The following MRTFB variants were observed in gnomAD, a reference collection of about 807,000 sequenced individuals.
MRTFB encodes the protein myocardin related transcription factor B.
A neutral mutation model predicts 104.2 loss-of-function variants in MRTFB; 29 were observed. That is an observed-to-expected ratio of 0.28 (90% CI 0.21 to 0.38). The LOEUF (loss-of-function observed/expected upper bound fraction) is 0.38, where lower values mean the gene tolerates loss of function less well. Among genes scored for constraint, MRTFB ranks in the 10% least tolerant of loss-of-function variants. The probability of loss-of-function intolerance (pLI) is 1.00; values close to 1 mark genes in which losing one functional copy is unlikely to be tolerated. For synonymous variants in MRTFB, 535 were observed against 519.5 expected (o/e 1.03, Z -0.41); for missense variants, 1,270 against 1,341.6 (o/e 0.95, Z 0.83).
chr16:14,085,657 C>T (rs1022420961), intron 2 of MRTFB, among the ~76,000 whole-genome samples: 2 of 151,648 alleles, frequency 1.3e-5, no homozygotes, highest in Non-Finnish European at 2.9e-5. Flanking sequence ...ACCTGGCATG[C>T]ACATGGCAAA....
In MRTFB at chr16:14,265,822, G is replaced by A. The variant is rs1319149089; in HGVS notation, c.*4378G>A. The A allele has an allele frequency of 6.6e-6, 1 of 152,156 alleles. No homozygotes were observed. Among genetic ancestry groups the A allele is most frequent in the Admixed American group, 6.5e-5 (1 of 15,278 alleles). The allele number at this position is 152,156 out of a possible 1,614,324, so 9.4% of individuals were successfully genotyped here. A position where few individuals can be genotyped will look rare whatever the true frequency, so the allele number is the denominator to read the frequency against. The stretch of plus-strand genomic sequence containing the variant: ...AAGATGGCAATCTCGGATCTACAAG[G>A]TGCTGTCGGGAATCAAATAAAATAT... On this transcript the variant is annotated 3_prime_UTR_variant, in exon 17 of 17. Coordinates refer to ENST00000571589, the MANE Select transcript of MRTFB (RefSeq NM_001308142.2).
chr16:14,132,753 C>A (rs924798988), intron 2 of MRTFB, among the ~76,000 whole-genome samples: 24 of 152,124 alleles, frequency 1.6e-4, no homozygotes, highest in African/African-American at 5.3e-4. Flanking sequence ...CTTAGCCATC[C>A]GCCTCTTGAC....
the MRTFB span, among the ~76,000 whole-genome samples, chr16:14,021,795 C>T: frequency 3.9e-5 from 6 of 152,092 alleles, no homozygotes; most frequent in Non-Finnish European, 7.3e-5. Context: ...TCGTATATAC[C>T]ACAGTTTCTT....
At chr16:14,240,939 G>C in intron 10 of MRTFB, 1 of 606,650 alleles carries the variant, frequency 1.6e-6, no homozygotes, top group Non-Finnish European at 2.9e-6. Flanking sequence ...ACAGGGGAAT[G>C]CTGTGAGCAC....
intron 3 of MRTFB, chr16:14,151,791 A>G (rs2038627248): frequency 6.6e-6 from 1 of 152,168 alleles, no homozygotes; most frequent in Non-Finnish European, 1.5e-5. Context: ...GTCAGTGTCT[A>G]CAAAAAAGGA....
intron 3 of MRTFB, among the ~76,000 whole-genome samples, chr16:14,197,031 G>A (rs1434417171): frequency 5.2e-5 from 7 of 134,420 alleles, no homozygotes; most frequent in Middle Eastern, 4.5e-3. Flanking sequence ...GTGCAGTGTC[G>A]TGATTGCGGC....
chr16:14,065,282 T>C, the MRTFB span, among the ~76,000 whole-genome samples: 80 of 152,208 alleles, frequency 5.3e-4, 1 homozygote, highest in Non-Finnish European at 2.2e-4. Context: ...TGTATGGAAA[T>C]GCTACTGATT....
chr16:14,065,847 C>T, the MRTFB span, among the ~76,000 whole-genome samples: 4 of 151,862 alleles, frequency 2.6e-5, no homozygotes, highest in African/African-American at 7.3e-5. Context: ...CTCTAGAATG[C>T]TCTCCCCTCT....
chr16:14,083,022 ATTTC>A (rs1265025902), intron 2 of MRTFB, among the ~76,000 whole-genome samples: 25 of 152,070 alleles, frequency 1.6e-4, no homozygotes, highest in Admixed American at 1.6e-3. Context: ...TGTGTCTTCA[ATTTC>A]TTTCACTGAT....
At chr16:14,134,352 A>G (rs1299671350) in intron 2 of MRTFB, among the ~76,000 whole-genome samples, 1 of 152,268 alleles carries the variant, frequency 6.6e-6, no homozygotes, top group Non-Finnish European at 1.5e-5. Context: ...TATTTATTTG[A>G]AAGAATTATA....
intron 3 of MRTFB, among the ~76,000 whole-genome samples, chr16:14,205,150 C>G (rs896876425): frequency 6.6e-6 from 1 of 152,140 alleles, no homozygotes; most frequent in African/African-American, 2.4e-5. Context: ...CTAGTTGTGT[C>G]TCTCTGGATG....
intron 2 of MRTFB, among the ~76,000 whole-genome samples, chr16:14,134,598 T>C (rs752707694): frequency 1.3e-5 from 2 of 152,244 alleles, no homozygotes; most frequent in Non-Finnish European, 2.9e-5. Flanking sequence ...TGGTTCATCA[T>C]TGGAAGCCCA....
At chr16:14,135,511 A>C (rs2037666333) in intron 2 of MRTFB, among the ~76,000 whole-genome samples, 1 of 152,194 alleles carries the variant, frequency 6.6e-6, no homozygotes, top group Non-Finnish European at 1.5e-5. Flanking sequence ...AGTGTAGTAG[A>C]CTGTACCATC....
At chr16:14,119,429 C>T (rs2097267) in intron 2 of MRTFB, among the ~76,000 whole-genome samples, 35,164 of 152,066 alleles carry the variant, frequency 0.23, 7,693 homozygotes, top group African/African-American at 0.57. Context: ...ATTTAAAATA[C>T]ATAAGGAGGC....
At position 14,264,634 on chromosome 16, in the gene MRTFB, T is replaced by G. The variant is rs1597409008; in HGVS notation, c.*3190T>G. 1 of 152,270 alleles carries G rather than the reference T, an allele frequency of 6.6e-6. No homozygotes were observed. Among genetic ancestry groups the G allele is most frequent in the Non-Finnish European group, 1.5e-5 (1 of 68,050 alleles). 9.4% of individuals were successfully genotyped at this position (152,270 alleles called of 1,614,324 possible). Reference sequence around the variant, plus strand: ...AAGAGATCTTATTTAAATTTCCTTTTTAAAAGCCGCATGGTTCTGTGATCC... The same window carrying G: ...AAGAGATCTTATTTAAATTTCCTTTGTAAAAGCCGCATGGTTCTGTGATCC... On this transcript the variant is annotated 3_prime_UTR_variant, in exon 17 of 17. Transcript: ENST00000571589.
the MRTFB span, among the ~76,000 whole-genome samples, chr16:14,059,714 A>G: frequency 6.6e-6 from 1 of 152,174 alleles, no homozygotes; most frequent in African/African-American, 2.4e-5. Context: ...GGACAGAAAG[A>G]CAGGCGTGAG....
intron 2 of MRTFB, among the ~76,000 whole-genome samples, chr16:14,083,484 G>C (rs1343875448): frequency 1.3e-5 from 2 of 152,132 alleles, no homozygotes; most frequent in African/African-American, 2.4e-5. Flanking sequence ...ACAGTCCCTG[G>C]GTACTGGCCT....
intron 3 of MRTFB, among the ~76,000 whole-genome samples, chr16:14,163,695 T>C (rs2142926954): frequency 6.6e-6 from 1 of 152,002 alleles, no homozygotes; most frequent in East Asian, 1.9e-4. Flanking sequence ...TAGCCAGGTG[T>C]GGTGGCGGGC....
At chr16:14,147,748 C>T (rs957391089) in intron 3 of MRTFB, among the ~76,000 whole-genome samples, 5 of 152,118 alleles carry the variant, frequency 3.3e-5, no homozygotes, top group African/African-American at 1.2e-4. Context: ...ATCAGCAAGA[C>T]CATGGACCCC....
Sources: allele counts gnomAD v4.1 joint callset (sites outside exome capture counted in the v4.1 genomes callset), GRCh38; gene constraint gnomAD v4.1.1; transcripts MANE v1.5; gene names NCBI Gene and HGNC (gene_info 2026-07-23, HGNC 2026-07-21).